Variants in INO80 observed in about 807,000 individuals in gnomAD.
INO80 encodes the protein INO80 complex ATPase subunit, also known as chromatin-remodeling ATPase INO80.
INO80 carries 20 observed loss-of-function variants against 203.4 expected under a neutral mutation model. The ratio of observed to expected loss-of-function variants is 0.10; its 90% CI spans 0.07 to 0.14. INO80 has a LOEUF of 0.14. INO80 is among the 10% of genes least tolerant of loss of function. The pLI, the probability that INO80 is intolerant of heterozygous loss-of-function variation, is 1.00. For synonymous variants in INO80, 726 were observed against 685.2 expected (o/e 1.06, Z -0.93); for missense variants, 1,419 against 1,914.4 (o/e 0.74, Z 4.83).
In INO80 at chr15:41,087,698, A is replaced by T. The variant is rs184921258; in HGVS notation, c.538-16T>A. ...ATTGCTGCAACTGAAGCAGGCAAAGACCATGATGGGCCTGTTTTCTATAGT... is the reference window on the plus strand; with the variant it reads ...ATTGCTGCAACTGAAGCAGGCAAAGTCCATGATGGGCCTGTTTTCTATAGT... On this transcript the variant is annotated splice_polypyrimidine_tract_variant and intron_variant, in intron 5 of 35. Coordinates refer to ENST00000648947, the MANE Select transcript of INO80 (RefSeq NM_017553.3). 3.2e-5 allele frequency: 51 copies of T among 1,605,420 alleles called. No individual in the cohort carries two copies. In the East Asian group the frequency reaches 1.1e-3, roughly 33 times the overall value.
intron 28 of INO80, among the ~76,000 whole-genome samples, chr15:41,002,520 C>T (rs775015201): frequency 6.6e-6 from 1 of 152,152 alleles, no homozygotes; most frequent in Non-Finnish European, 1.5e-5. Flanking sequence ...GCCAGGAGAA[C>T]GACTGCGGCT....
intron 19 of INO80, among the ~76,000 whole-genome samples, chr15:41,051,078 G>C (rs1323922448): frequency 1.4e-5 from 2 of 139,078 alleles, no homozygotes; most frequent in Admixed American, 7.6e-5. Context: ...GCAGTGAGCC[G>C]AGATTGCACC....
Position 41,048,206 on chromosome 15 carries a change from A to G in INO80, c.2641+6T>C. Reference sequence around the variant, plus strand: ...AACCTACTTTCCCAAAGATCAAAACACCTACCTTTTCTGTGAAAGAGAGAC... The same window carrying G: ...AACCTACTTTCCCAAAGATCAAAACGCCTACCTTTTCTGTGAAAGAGAGAC... On this transcript the variant is annotated splice_donor_region_variant and intron_variant, in intron 22 of 35. Coordinates refer to ENST00000648947, the MANE Select transcript of INO80 (RefSeq NM_017553.3). 6.2e-7 allele frequency: 1 copy of G among 1,609,670 alleles called. No homozygotes were observed. The highest frequency in any genetic ancestry group is 8.5e-7 in the Non-Finnish European group (1 of 1,176,484).
At chr15:41,029,427 TCAACAA>T (rs1256410790) in intron 24 of INO80, among the ~76,000 whole-genome samples, 1 of 152,256 alleles carries the variant, frequency 6.6e-6, no homozygotes, top group African/African-American at 2.4e-5. Context: ...ATAACTGTCA[TCAACAA>T]TTTGAAGACT....
Position 41,053,917 on chromosome 15 carries a change from T to C in INO80, c.2274+12A>G. On this transcript the variant is annotated intron_variant, in intron 19 of 35. Transcript: ENST00000648947. ...TATTGAGGCTTAAACACATGAGGTC[T>C]TCTTTACTTACCTTGTCAGATAATT... 2 of 1,607,652 alleles carry C rather than the reference T, an allele frequency of 1.2e-6. No homozygotes were observed. Among genetic ancestry groups the C allele is most frequent in the Non-Finnish European group, 1.7e-6 (2 of 1,174,428 alleles).
intron 1 of INO80, among the ~76,000 whole-genome samples, chr15:41,107,031 C>T (rs1412543668): frequency 1.3e-5 from 2 of 152,218 alleles, no homozygotes; most frequent in Non-Finnish European, 2.9e-5. Context: ...TGTACAGTCC[C>T]TTTTGTCTTA....
intron 24 of INO80, among the ~76,000 whole-genome samples, chr15:41,036,615 G>A (rs2044580169): frequency 6.6e-6 from 1 of 152,016 alleles, no homozygotes; most frequent in Non-Finnish European, 1.5e-5. Flanking sequence ...TACATACCAT[G>A]TTCCAAAGAT....
chr15:41,068,832 C>T (rs2045265110), intron 14 of INO80, among the ~76,000 whole-genome samples: 2 of 152,060 alleles, frequency 1.3e-5, no homozygotes, highest in South Asian at 2.1e-4. Flanking sequence ...TGCACTCTAG[C>T]CTCGGCGACA....
intron 16 of INO80, 25 bp from the exon 17 acceptor site, chr15:41,056,731 T>C: frequency 6.3e-7 from 1 of 1,590,184 alleles, no homozygotes. Context: ...AAGTTACAAA[T>C]TCATGTTAGC....
chr15:41,023,339 T>C, intron 25 of INO80: 1 of 455,912 alleles, frequency 2.2e-6, no homozygotes, highest in South Asian at 1.5e-5. Context: ...AGGATGTGTG[T>C]CGCAGACCTG....
At chr15:41,051,129 A>AAAAAAAAAAAAAAAG (rs2044862766) in intron 19 of INO80, among the ~76,000 whole-genome samples, 3 of 92,858 alleles carry the variant, frequency 3.2e-5, no homozygotes, top group South Asian at 6.5e-4. Context: ...ACTCCATCTC[A>AAAAAAAAAAAAAAAG]AAAAAAAAAA....
At chr15:40,992,134 G>A (rs559361729) in intron 29 of INO80, among the ~76,000 whole-genome samples, 1 of 152,338 alleles carries the variant, frequency 6.6e-6, no homozygotes, top group South Asian at 2.1e-4. Context: ...CTTGGAGGGT[G>A]GAGCTTTTTC....
chr15:41,054,853 G>T (rs184103159), intron 18 of INO80, among the ~76,000 whole-genome samples: 1 of 152,202 alleles, frequency 6.6e-6, no homozygotes, highest in East Asian at 1.9e-4. Flanking sequence ...GGCCAGGTTG[G>T]TCTTGAACTC....
At chr15:41,101,840 G>A (rs764066493) in intron 1 of INO80, among the ~76,000 whole-genome samples, 5 of 148,872 alleles carry the variant, frequency 3.4e-5, no homozygotes, top group Admixed American at 1.3e-4. Context: ...GTGAGCCACC[G>A]CACCCGGCCT....
intron 28 of INO80, among the ~76,000 whole-genome samples, chr15:41,002,372 G>A (rs2043970111): frequency 6.6e-6 from 1 of 152,050 alleles, no homozygotes; most frequent in Non-Finnish European, 1.5e-5. Flanking sequence ...GACTGCCCAA[G>A]TAATTCTGCT....
chr15:40,982,787 G>C (rs1161785074), intron 35 of INO80, 75 bp downstream of exon 35: 2 of 1,254,436 alleles, frequency 1.6e-6, no homozygotes, highest in Non-Finnish European at 2.3e-6. Context: ...TTTCCTACAT[G>C]TTCTACCTGA....
chr15:41,054,056 T>A, intron 18 of INO80, 42 bp from the exon 19 acceptor site: 1 of 1,512,664 alleles, frequency 6.6e-7, no homozygotes, highest in Non-Finnish European at 9.1e-7. Context: ...TTATAGTGAT[T>A]TCACAAAAAC....
intron 14 of INO80, among the ~76,000 whole-genome samples, chr15:41,067,948 T>A (rs1393716028): frequency 6.6e-6 from 1 of 152,222 alleles, no homozygotes; most frequent in African/African-American, 2.4e-5. Context: ...CAACTTTTCA[T>A]AACTAAGCAG....
rs768803472 is a variant in INO80, at chr15:41,055,211, T to TA, written c.2188+35dup. ...GCAATTACGTGGTTGCCTACACTGA[T>TA]AGGTAGATAGAAAGCCAGCTCATAA... On this transcript the variant is annotated intron_variant, in intron 18 of 35. Transcript: ENST00000648947. The TA allele has an allele frequency of 4.2e-6, 5 of 1,181,522 alleles. No homozygotes were observed. In the South Asian group the frequency reaches 6.7e-5, roughly 16 times the overall value. 73.2% of individuals were successfully genotyped at this position (1,181,522 alleles called of 1,614,324 possible). A position where few individuals can be genotyped will look rare whatever the true frequency, so the allele number is the denominator to read the frequency against.
Sources: gnomAD v4.1 joint callset for allele counts (sites outside exome capture counted in the v4.1 genomes callset) on GRCh38, gnomAD v4.1.1 for gene constraint, MANE v1.5 for transcripts, NCBI Gene and HGNC (gene_info 2026-07-23, HGNC 2026-07-21) for gene names.